Variants in FCGR2A observed in about 807,000 individuals in gnomAD.
FCGR2A encodes low affinity immunoglobulin gamma Fc region receptor II-a.
A neutral mutation model predicts 29.3 loss-of-function variants in FCGR2A; 18 were observed. That is an observed-to-expected ratio of 0.62 (90% CI 0.43 to 0.91). The LOEUF is 0.91. Ranked by LOEUF, FCGR2A falls within the 40% of genes least tolerant of loss-of-function variation. FCGR2A has a pLI of 0.00. For synonymous variants in FCGR2A, 126 were observed against 144.8 expected (o/e 0.87, Z 0.93); for missense variants, 287 against 393.0 (o/e 0.73, Z 2.28).
At chr1:161,508,830 T>G (rs570652079) in intron 3 of FCGR2A, among the ~76,000 whole-genome samples, 18 of 152,284 alleles carry the variant, frequency 1.2e-4, no homozygotes, top group African/African-American at 4.3e-4. Flanking sequence ...AAGGAAAAAG[T>G]GATTTTAAAT....
At chr1:161,510,462 G>A (rs1340535146) in intron 4 of FCGR2A, 3 of 468,352 alleles carry the variant, frequency 6.4e-6, no homozygotes, top group Non-Finnish European at 1.2e-5. Context: ...GCACGTCATG[G>A]ACTGTTCAAG....
chr1:161,505,609 C>T, intron 1 of FCGR2A, 57 bp downstream of exon 1: 1 of 1,370,718 alleles, frequency 7.3e-7, no homozygotes, highest in South Asian at 1.2e-5. Context: ...TGCCTGGACT[C>T]CAGGTACCAG....
chr1:161,521,235 G>T (rs1261069918), downstream of FCGR2A, among the ~76,000 whole-genome samples: 2 of 151,910 alleles, frequency 1.3e-5, no homozygotes, highest in African/African-American at 4.8e-5. Flanking sequence ...CCTCTCATTA[G>T]AATGTGAGCT....
chr1:161,506,743 T>C (rs9427399), intron 3 of FCGR2A, 152 bp downstream of exon 3: 156,090 of 1,384,568 alleles, frequency 0.11, 9,882 homozygotes, highest in Middle Eastern at 0.19. Flanking sequence ...TCACCCACCC[T>C]CTTTGCTTAG....
intron 6 of FCGR2A, among the ~76,000 whole-genome samples, chr1:161,516,077 TC>T (rs988513467): frequency 1.4e-4 from 21 of 152,066 alleles, no homozygotes; most frequent in African/African-American, 5.1e-4. Flanking sequence ...AAGTGAATAT[TC>T]CACCTAGTTT....
intron 6 of FCGR2A, among the ~76,000 whole-genome samples, chr1:161,516,603 A>G (rs1381369914): frequency 6.6e-6 from 1 of 152,100 alleles, no homozygotes; most frequent in Non-Finnish European, 1.5e-5. Flanking sequence ...TAATCAGGTC[A>G]AATTTAATGA....
rs148465413 is a variant in FCGR2A, at chr1:161,518,137, A to G, written c.943A>G (p.Ser315Gly). The G allele has an allele frequency of 1.4e-3, 2,335 of 1,613,756 alleles. 9 individuals are homozygous for G. Among genetic ancestry groups the G allele is most frequent in the Non-Finnish European group, 1.8e-3 (2,103 of 1,179,838 alleles). ...LTLPPNDHVN[S>G]NN ...TCTTCCTCCCAACGACCATGTCAAC[A>G]GTAATAACTAAAGAGTAACGTTATG... The change falls in exon 7 of 7, where the codon AGT becomes GGT. Residue 315 changes from serine (S) to glycine (G), a missense_variant. Ser to Gly is a moderately conservative substitution (Grantham distance 56, BLOSUM62 0). Coordinates refer to ENST00000271450, the MANE Select transcript of FCGR2A (RefSeq NM_001136219.3).
chr1:161,507,809 G>C (rs968529447), intron 3 of FCGR2A, among the ~76,000 whole-genome samples: 7 of 152,170 alleles, frequency 4.6e-5, no homozygotes, highest in African/African-American at 1.7e-4. Flanking sequence ...ATTGAGGGCT[G>C]GGTGTGGTGG....
downstream of FCGR2A, chr1:161,523,890 G>A (rs543844621): frequency 7.9e-5 from 12 of 152,180 alleles, no homozygotes; most frequent in Non-Finnish European, 1.3e-4. Context: ...CGTGGCAGGC[G>A]AGAATTCTAC....
At chr1:161,511,326 G>C (rs560692883) in intron 5 of FCGR2A, among the ~76,000 whole-genome samples, 19 of 152,220 alleles carry the variant, frequency 1.2e-4, no homozygotes, top group Admixed American at 3.9e-4. Flanking sequence ...CTTATATGAG[G>C]GGGGAGTAGA....
At chr1:161,505,815 A>G in intron 1 of FCGR2A, 172 bp from the exon 2 acceptor site, 1 of 741,004 alleles carries the variant, frequency 1.3e-6, no homozygotes, top group Non-Finnish European at 2.4e-6. Flanking sequence ...AATGAGATAA[A>G]GGGGACATAT....
At chr1:161,506,226 C>A in intron 2 of FCGR2A, 108 bp from the exon 3 acceptor site, 1 of 1,447,242 alleles carries the variant, frequency 6.9e-7, no homozygotes. Context: ...TCTTGAACTA[C>A]ATCTACAATA....
At chr1:161,508,168 C>T (rs1018618751) in intron 3 of FCGR2A, among the ~76,000 whole-genome samples, 1 of 149,418 alleles carries the variant, frequency 6.7e-6, no homozygotes, top group East Asian at 2.0e-4. Context: ...ATCCATTGTA[C>T]AAAGAAATGC....
intron 3 of FCGR2A, 123 bp downstream of exon 3, chr1:161,506,714 T>C (rs1011410032): frequency 1.3e-6 from 2 of 1,493,072 alleles, no homozygotes; most frequent in Non-Finnish European, 1.8e-6. Flanking sequence ...TGTTGTGAGT[T>C]GCTCATTCAT....
downstream of FCGR2A, chr1:161,522,727 C>T (rs989014172): frequency 6.6e-6 from 1 of 152,128 alleles, no homozygotes; most frequent in Admixed American, 6.5e-5. Flanking sequence ...TGATTTTCCA[C>T]TGTGTAAGTC....
intron 6 of FCGR2A, 146 bp downstream of exon 6, chr1:161,514,078 T>C (rs1675992753): frequency 1.8e-6 from 2 of 1,141,914 alleles, no homozygotes; most frequent in Non-Finnish European, 2.7e-6. Flanking sequence ...GCCTTAGAAA[T>C]AGCCTTATCA....
At chr1:161,505,674 A>G (rs1156997681) in intron 1 of FCGR2A, 122 bp downstream of exon 1, 2 of 838,422 alleles carry the variant, frequency 2.4e-6, no homozygotes, top group African/African-American at 3.3e-5. Flanking sequence ...GAAAGAGGAG[A>G]GAGGACCCTG....
intron 6 of FCGR2A, among the ~76,000 whole-genome samples, chr1:161,515,651 T>C (rs1676105863): frequency 6.6e-6 from 1 of 152,070 alleles, no homozygotes; most frequent in African/African-American, 2.4e-5. Context: ...GGAGGAATTT[T>C]TTAGAAACAA....
rs12029217 is a variant in FCGR2A, at chr1:161,518,073, C to T, written c.879C>T (p.Pro293=). The part of the protein sequence containing the change: ...TADGGYMTLN[P]RAPTDDDKNI... ...ACGGCGGCTACATGACTCTGAACCC[C>T]AGGGCACCTACTGACGATGATAAAA... Residue 293 remains proline (P), a synonymous_variant, in exon 7 of 7, where the codon CCC becomes CCT. Transcript: ENST00000271450. The T allele has an allele frequency of 0.11, 171,166 of 1,609,480 alleles. 6,199 individuals carry two copies. The highest frequency in any genetic ancestry group is 0.23 in the East Asian group (10,134 of 44,484).
Sources: allele counts gnomAD v4.1 joint callset (sites outside exome capture counted in the v4.1 genomes callset), GRCh38; gene constraint gnomAD v4.1.1; transcripts MANE v1.5; gene names NCBI Gene and HGNC (gene_info 2026-07-23, HGNC 2026-07-21).